IL12RB1: variants seen among roughly 807,000 people sequenced by gnomAD.
The protein encoded by IL12RB1 is interleukin-12 receptor subunit beta-1.
A neutral mutation model predicts 94.4 loss-of-function variants in IL12RB1; 64 were observed. The ratio of observed to expected loss-of-function variants is 0.68; its 90% CI spans 0.55 to 0.83. The LOEUF is 0.83. IL12RB1 is among the 40% of genes least tolerant of loss of function. IL12RB1 has a pLI of 0.00. For synonymous variants in IL12RB1, 362 were observed against 355.5 expected, an observed-to-expected ratio of 1.02 and a Z score of -0.21; for missense variants, 814 against 855.6, an observed-to-expected ratio of 0.95 and a Z score of 0.61.
chr19:18,081,633 C>G (rs1156963136), intron 3 of IL12RB1, among the ~76,000 whole-genome samples: 3 of 151,562 alleles, frequency 2.0e-5, no homozygotes, highest in African/African-American at 7.3e-5. Flanking sequence ...CCAGCCTGGC[C>G]AACATGGTGA....
intron 9 of IL12RB1, 93 bp downstream of exon 9, chr19:18,072,019 C>T: frequency 3.4e-6 from 3 of 891,902 alleles, no homozygotes; most frequent in Non-Finnish European, 5.6e-6. Context: ...AAATTTTCTG[C>T]CTCGCTCCTC....
chr19:18,072,031 C>T, intron 9 of IL12RB1, 81 bp downstream of exon 9: 1 of 994,056 alleles, frequency 1.0e-6, no homozygotes, highest in Non-Finnish European at 1.6e-6. Flanking sequence ...TCGCTCCTCT[C>T]ACCCTGGTCT....
chr19:18,088,461 G>C (rs1047863118), upstream of IL12RB1, among the ~76,000 whole-genome samples: 27 of 150,956 alleles, frequency 1.8e-4, no homozygotes, highest in African/African-American at 6.3e-4. Context: ...CTACTCAGGA[G>C]GCTGAGGTGG....
chr19:18,076,411 T>C, intron 5 of IL12RB1, 84 bp from the exon 6 acceptor site: 1 of 759,300 alleles, frequency 1.3e-6, no homozygotes, highest in Admixed American at 1.8e-5. Context: ...ATTTATTTAC[T>C]TATTTATCTG....
intron 1 of IL12RB1, among the ~76,000 whole-genome samples, chr19:18,094,320 G>A (rs962609071): frequency 6.6e-6 from 1 of 152,022 alleles, no homozygotes; most frequent in African/African-American, 2.4e-5. Context: ...GTAGAGACGC[G>A]GTTTCACCAT....
At chr19:18,092,264 G>A (rs1675668819) in intron 1 of IL12RB1, among the ~76,000 whole-genome samples, 1 of 150,546 alleles carries the variant, frequency 6.6e-6, no homozygotes, top group Non-Finnish European at 1.5e-5. Context: ...GCCGAGGTGG[G>A]CAGATCACTT....
chr19:18,067,328 A>G (rs903039469), intron 11 of IL12RB1, among the ~76,000 whole-genome samples: 43 of 97,108 alleles, frequency 4.4e-4, no homozygotes, highest in Admixed American at 1.4e-3. Context: ...TGTCTCAAGA[A>G]AAAAAAAAAA....
upstream of IL12RB1, among the ~76,000 whole-genome samples, chr19:18,090,947 C>T (rs7250425): frequency 0.51 from 77,135 of 151,844 alleles, 19,946 homozygotes; most frequent in East Asian, 0.78. Flanking sequence ...AGGGCATCTC[C>T]GGCAGAGGCC....
intron 1 of IL12RB1, among the ~76,000 whole-genome samples, chr19:18,097,109 G>C (rs888152820): frequency 6.6e-6 from 1 of 151,988 alleles, no homozygotes; most frequent in South Asian, 2.1e-4. Flanking sequence ...TTTTGCACAG[G>C]GGTGAGATCC....
chr19:18,072,895 C>T (rs1430309372), intron 8 of IL12RB1, among the ~76,000 whole-genome samples: 1 of 144,072 alleles, frequency 6.9e-6, no homozygotes, highest in African/African-American at 2.6e-5. Flanking sequence ...TGTAGTGAGC[C>T]GAGATGGCGC....
intron 14 of IL12RB1, among the ~76,000 whole-genome samples, chr19:18,061,734 G>A (rs546947748): frequency 3.9e-5 from 6 of 152,122 alleles, no homozygotes; most frequent in African/African-American, 9.6e-5. Context: ...GTGATGGCAC[G>A]CACCTGTAGT....
intron 12 of IL12RB1, among the ~76,000 whole-genome samples, 158 bp downstream of exon 12, chr19:18,066,384 G>A (rs1688462237): frequency 6.6e-6 from 1 of 151,386 alleles, no homozygotes; most frequent in Non-Finnish European, 1.5e-5. Context: ...TGGGATTACA[G>A]GCGTGAGCCA....
At chr19:18,075,141 A>AG (rs2035367151) in intron 7 of IL12RB1, among the ~76,000 whole-genome samples, 1 of 151,704 alleles carries the variant, frequency 6.6e-6, no homozygotes, top group African/African-American at 2.4e-5. Flanking sequence ...ACCGGATGCC[A>AG]CATTGTCAGG....
Position 18,070,621 on chromosome 19 carries a change from G to A in IL12RB1, c.1022-908C>T, listed in dbSNP as rs897874831. ...TGCATGTGCCAAGCCAATGCTGAGA[G>A]CTTTACAGGCACCATTTCACTATGA... On this transcript the variant is annotated intron_variant, in intron 9 of 16. Coordinates refer to ENST00000593993, the MANE Select transcript of IL12RB1 (RefSeq NM_005535.3). The A allele has an allele frequency of 1.7e-5, 12 of 688,000 alleles. No individual in the cohort carries two copies. In the African/African-American group the frequency reaches 2.1e-4, roughly 12 times the overall value. The allele number at this position is 688,000 out of a possible 1,614,324, so 42.6% of individuals were successfully genotyped here. A position where few individuals can be genotyped will look rare whatever the true frequency, so the allele number is the denominator to read the frequency against.
chr19:18,063,879 T>G lies in IL12RB1; in HGVS notation c.1615A>C (p.Ile539Leu). 1 of 1,613,218 alleles carries G rather than the reference T, an allele frequency of 6.2e-7. No individual in the cohort carries two copies. Among genetic ancestry groups the G allele is most frequent in the Non-Finnish European group, 8.5e-7 (1 of 1,179,592 alleles). The change falls in exon 13 of 17, where the codon ATC (isoleucine) becomes CTC (leucine). Residue 539 changes from isoleucine to leucine, a missense_variant. Ile to Leu is a conservative substitution (Grantham distance 5). Transcript: ENST00000593993. ...GVWSQPQRFS[I>L]EVQVSDWLIF... The stretch of plus-strand genomic sequence containing the variant: ...GGGTCCTACCCCCTCCACTCACCGA[T>G]GCTGAAGCGCTGGGGCTGGCTCCAG...
At chr19:18,088,629 G>T (rs189060293), upstream of IL12RB1, among the ~76,000 whole-genome samples, 14 of 150,658 alleles carry the variant, frequency 9.3e-5, no homozygotes, top group Middle Eastern at 3.5e-3. Context: ...CCATTTCTTA[G>T]CCTCTGAGTA....
chr19:18,077,495 G>A (rs559824918), intron 5 of IL12RB1, 21 bp downstream of exon 5: 1 of 1,596,570 alleles, frequency 6.3e-7, no homozygotes, highest in Non-Finnish European at 8.6e-7. Context: ...TGTCCACCCT[G>A]GACTTGGGAA....
intron 4 of IL12RB1, among the ~76,000 whole-genome samples, chr19:18,078,279 C>T (rs1223217965): frequency 6.6e-6 from 1 of 151,950 alleles, no homozygotes; most frequent in Non-Finnish European, 1.5e-5. Context: ...TGGTGGTGGG[C>T]ACCTGTAATC....
At chr19:18,089,323 C>T (rs2146540714), upstream of IL12RB1, among the ~76,000 whole-genome samples, 1 of 152,018 alleles carries the variant, frequency 6.6e-6, no homozygotes, top group East Asian at 1.9e-4. Context: ...GAATCGTTTG[C>T]TTTAAAATGA....
Sources: gnomAD v4.1 joint callset for allele counts (sites outside exome capture counted in the v4.1 genomes callset) on GRCh38, gnomAD v4.1.1 for gene constraint, MANE v1.5 for transcripts, NCBI Gene and HGNC (gene_info 2026-07-23, HGNC 2026-07-21) for gene names.